Variants in ZBTB20 observed in about 807,000 individuals in gnomAD.
The protein encoded by ZBTB20 is zinc finger and BTB domain containing 20, also known as zinc finger and BTB domain-containing protein 20.
Under a neutral mutation model 56.9 loss-of-function variants are expected in ZBTB20, and 9 were observed. That is an observed-to-expected ratio of 0.16 (90% confidence interval 0.10 to 0.28). The LOEUF (loss-of-function observed/expected upper bound fraction) is 0.28, where lower values mean the gene tolerates loss of function less well. Ranked by LOEUF, ZBTB20 falls within the 10% of genes least tolerant of loss-of-function variation. ZBTB20 has a pLI of 1.00. For missense variants in ZBTB20, 655 were observed against 1,003.0 expected, an observed-to-expected ratio of 0.65 and a Z score of 4.69; for synonymous variants, 417 against 420.7, an observed-to-expected ratio of 0.99 and a Z score of 0.11.
intron 1 of ZBTB20, among the ~76,000 whole-genome samples, chr3:115,126,425 T>C (rs202019534): frequency 6.6e-6 from 1 of 152,108 alleles, no homozygotes; most frequent in Non-Finnish European, 1.5e-5. Flanking sequence ...TCTAGCACCA[T>C]TCACAGCCAC....
At chr3:114,715,688 C>T (rs1453665796) in intron 5 of ZBTB20, among the ~76,000 whole-genome samples, 1 of 152,176 alleles carries the variant, frequency 6.6e-6, no homozygotes, top group East Asian at 1.9e-4. Flanking sequence ...CTTCACTCAG[C>T]ACATAACTTG....
intron 6 of ZBTB20, among the ~76,000 whole-genome samples, chr3:114,682,714 G>C (rs974277541): frequency 2.6e-5 from 4 of 152,114 alleles, no homozygotes; most frequent in Non-Finnish European, 4.4e-5. Flanking sequence ...TTGTTTCTGA[G>C]TCCAAACCAA....
intron 5 of ZBTB20, among the ~76,000 whole-genome samples, chr3:114,772,451 G>C (rs568041585): frequency 5.3e-4 from 80 of 152,136 alleles, no homozygotes; most frequent in African/African-American, 1.8e-3. Flanking sequence ...AGTATGCTTT[G>C]TAGTGATTAA....
At chr3:115,122,314 T>C (rs1345488016) in intron 1 of ZBTB20, among the ~76,000 whole-genome samples, 1 of 151,510 alleles carries the variant, frequency 6.6e-6, no homozygotes, top group Non-Finnish European at 1.5e-5. Flanking sequence ...AATACCAAGA[T>C]TTTTTTTTCA....
intron 4 of ZBTB20, among the ~76,000 whole-genome samples, chr3:114,830,615 A>G (rs933562260): frequency 2.0e-5 from 3 of 151,848 alleles, no homozygotes; most frequent in African/African-American, 7.3e-5. Flanking sequence ...CCTCACCACA[A>G]CTCTAGGAGA....
intron 7 of ZBTB20, among the ~76,000 whole-genome samples, chr3:114,397,255 C>T (rs879875993): frequency 2.0e-5 from 3 of 152,134 alleles, no homozygotes; most frequent in African/African-American, 7.2e-5. Context: ...TTTCCAGGTA[C>T]AACCTATGGC....
chr3:114,876,449 C>G (rs1333502258), intron 4 of ZBTB20: 1 of 151,780 alleles, frequency 6.6e-6, no homozygotes, highest in Non-Finnish European at 1.5e-5. Context: ...GACCCCATCT[C>G]TAAAAAAATA....
At chr3:114,675,456 T>C (rs1355198779) in intron 6 of ZBTB20, among the ~76,000 whole-genome samples, 1 of 152,132 alleles carries the variant, frequency 6.6e-6, no homozygotes, top group Non-Finnish European at 1.5e-5. Context: ...CAACATTCTG[T>C]TTTAAAGTTT....
intron 6 of ZBTB20, among the ~76,000 whole-genome samples, chr3:114,531,051 C>G (rs2047786960): frequency 6.6e-6 from 1 of 152,198 alleles, no homozygotes; most frequent in Admixed American, 6.5e-5. Context: ...ACTCCCGACT[C>G]TTGATCTTTA....
chr3:114,399,904 G>A (rs2086666653), intron 7 of ZBTB20, among the ~76,000 whole-genome samples: 1 of 152,006 alleles, frequency 6.6e-6, no homozygotes, highest in Non-Finnish European at 1.5e-5. Flanking sequence ...AGATTATGTG[G>A]TACTTTCATG....
At chr3:114,347,361 C>A (rs1298436972) in intron 11 of ZBTB20, among the ~76,000 whole-genome samples, 1 of 152,024 alleles carries the variant, frequency 6.6e-6, no homozygotes, top group East Asian at 1.9e-4. Context: ...CTTTGTCAAG[C>A]TATTCTTTTT....
At position 114,743,944 on chromosome 3, in the gene ZBTB20, C is replaced by T. The variant is rs77365917; in HGVS notation, c.-342-50369G>A. 5.5e-3 allele frequency among the ~76,000 whole-genome samples: 670 copies of T among 121,958 alleles called. 3 individuals are homozygous for T. The highest frequency in any genetic ancestry group is 0.019 in the African/African-American group (633 of 32,574). The allele number at this position is 121,958 out of a possible 152,430, so 80.0% of individuals were successfully genotyped here. A position where few individuals can be genotyped will look rare whatever the true frequency, so the allele number is the denominator to read the frequency against. On this transcript the variant is annotated intron_variant, in intron 5 of 11. Coordinates refer to ENST00000675478, the MANE Select transcript of ZBTB20 (RefSeq NM_001348800.3). ...CTGAATTTCACTTTGAATGTGTAGA[C>T]GAGGCACAAGTCAACCAGAGGTTAT... is the stretch of plus-strand genomic sequence containing the variant.
intron 2 of ZBTB20, among the ~76,000 whole-genome samples, chr3:115,002,911 T>C (rs1394367484): frequency 6.6e-6 from 1 of 151,640 alleles, no homozygotes; most frequent in Non-Finnish European, 1.5e-5. Context: ...GCAACGACGA[T>C]GTCTTTAAGT....
chr3:114,696,770 G>A (rs376496474), intron 5 of ZBTB20, among the ~76,000 whole-genome samples: 79 of 152,074 alleles, frequency 5.2e-4, no homozygotes, highest in South Asian at 1.0e-3. Context: ...AGGGGGAGGG[G>A]GTTGTGGGAA....
chr3:114,715,389 G>T (rs2064401828), intron 5 of ZBTB20, among the ~76,000 whole-genome samples: 2 of 152,142 alleles, frequency 1.3e-5, no homozygotes. Flanking sequence ...GAAGGTTAGG[G>T]ATAAGGTATG....
intron 5 of ZBTB20, among the ~76,000 whole-genome samples, chr3:114,728,974 T>A (rs1217793704): frequency 6.6e-6 from 1 of 152,136 alleles, no homozygotes; most frequent in Admixed American, 6.6e-5. Flanking sequence ...CGGAGCTTAA[T>A]ACCTAGGTGA....
chr3:114,965,402 G>A (rs912177227), intron 3 of ZBTB20, among the ~76,000 whole-genome samples: 1 of 151,906 alleles, frequency 6.6e-6, no homozygotes, highest in Non-Finnish European at 1.5e-5. Context: ...TATTCCTCCT[G>A]TCTAAGTGAA....
At chr3:115,011,996 A>C (rs1003415786) in intron 2 of ZBTB20, among the ~76,000 whole-genome samples, 1 of 151,828 alleles carries the variant, frequency 6.6e-6, no homozygotes, top group East Asian at 2.0e-4. Context: ...TTGTCACCTT[A>C]AAATAATTGC....
intron 1 of ZBTB20, among the ~76,000 whole-genome samples, chr3:115,111,269 A>G (rs1488408867): frequency 6.6e-6 from 1 of 152,106 alleles, no homozygotes; most frequent in Admixed American, 6.6e-5. Context: ...AGAAAATTTT[A>G]TTAGTAATCA....
Sources: gnomAD v4.1 joint callset for allele counts (sites outside exome capture counted in the v4.1 genomes callset) on GRCh38, gnomAD v4.1.1 for gene constraint, MANE v1.5 for transcripts, NCBI Gene and HGNC (gene_info 2026-07-23, HGNC 2026-07-21) for gene names.